NDUFA9: variants seen among roughly 807,000 people sequenced by gnomAD.
The protein encoded by NDUFA9 is NADH:ubiquinone oxidoreductase subunit A9, also known as NADH dehydrogenase [ubiquinone] 1 alpha subcomplex subunit 9, mitochondrial.
A neutral mutation model predicts 45.9 loss-of-function variants in NDUFA9; 23 were observed. That is an observed-to-expected ratio of 0.50 (90% CI 0.36 to 0.71). The LOEUF (loss-of-function observed/expected upper bound fraction) is 0.71, where lower values mean the gene tolerates loss of function less well. Among genes scored for constraint, NDUFA9 ranks in the 30% least tolerant of loss-of-function variants. The pLI is 0.00. For synonymous variants in NDUFA9, 176 were observed against 170.5 expected (o/e 1.03, Z -0.25); for missense variants, 466 against 488.2 (o/e 0.95, Z 0.43).
chr12:4,654,658 G>A (rs796262880), intron 2 of NDUFA9, among the ~76,000 whole-genome samples, 167 bp from the exon 3 acceptor site: 3 of 152,148 alleles, frequency 2.0e-5, no homozygotes, highest in African/African-American at 7.2e-5. Context: ...TAGGAATAAG[G>A]GACTCTGAAA....
intron 8 of NDUFA9, among the ~76,000 whole-genome samples, chr12:4,680,641 T>G (rs923472498): frequency 6.6e-6 from 1 of 152,222 alleles, no homozygotes; most frequent in African/African-American, 2.4e-5. Context: ...TGGCGTAGCA[T>G]GTATTATATG....
intron 5 of NDUFA9, among the ~76,000 whole-genome samples, chr12:4,659,768 G>A (rs559033962): frequency 4.0e-4 from 61 of 152,236 alleles, no homozygotes; most frequent in African/African-American, 1.3e-3. Context: ...GTGTCTGGCC[G>A]TGCGCTTAAC....
intron 8 of NDUFA9, among the ~76,000 whole-genome samples, chr12:4,675,569 A>T (rs200001899): frequency 6.6e-6 from 1 of 152,250 alleles, no homozygotes; most frequent in Non-Finnish European, 1.5e-5. Flanking sequence ...GAAGAAATGG[A>T]TAGGTTCCTG....
intron 7 of NDUFA9, 105 bp from the exon 8 acceptor site, chr12:4,669,636 C>G: frequency 1.4e-6 from 1 of 700,664 alleles, no homozygotes. Flanking sequence ...TTTCTCCTTC[C>G]TTCCTTCCTT....
At chr12:4,659,871 C>T (rs1945813928) in intron 5 of NDUFA9, among the ~76,000 whole-genome samples, 1 of 152,208 alleles carries the variant, frequency 6.6e-6, no homozygotes, top group African/African-American at 2.4e-5. Context: ...TGACTCACCA[C>T]ATTAGTTTAC....
intron 5 of NDUFA9, among the ~76,000 whole-genome samples, chr12:4,660,199 C>T (rs1945815838): frequency 6.6e-6 from 1 of 152,162 alleles, no homozygotes; most frequent in African/African-American, 2.4e-5. Flanking sequence ...ACATTAAAAC[C>T]ACTGAGGGAG....
chr12:4,687,242 T>G lies in NDUFA9; in HGVS notation c.*134T>G. 1 of 778,610 alleles carries G rather than the reference T, an allele frequency of 1.3e-6. No individual in the cohort carries two copies. The highest frequency in any genetic ancestry group is 1.9e-6 in the Non-Finnish European group (1 of 520,190). 48.2% of individuals were successfully genotyped at this position (778,610 alleles called of 1,614,324 possible). A position where few individuals can be genotyped will look rare whatever the true frequency, so the allele number is the denominator to read the frequency against. ...AAACATTTCAGGTTGAATTCTGCAG[T>G]ATTTTCTTCCTTGATTTACAAAATG... On this transcript the variant is annotated 3_prime_UTR_variant, in exon 11 of 11. Transcript: ENST00000266544.
Position 4,654,301 on chromosome 12 carries a change from T to G in NDUFA9, c.59T>G (p.Ile20Ser). Residue 20 changes from isoleucine (I) to serine (S), a missense_variant, in exon 2 of 11, where the codon ATT becomes AGT. Ile to Ser is a moderately radical substitution (Grantham distance 142). Coordinates refer to ENST00000266544, the MANE Select transcript of NDUFA9 (RefSeq NM_005002.5). ...VRVLSMSRSA[I>S]TAIATSVCHG... ...TGGGGTTTTGTTTAAGGTTCTGCCA[T>G]TACTGCAATAGCCACATCTGTGTGT... 2 of 1,613,272 alleles carry G rather than the reference T, an allele frequency of 1.2e-6. No individual in the cohort carries two copies. Among genetic ancestry groups the G allele is most frequent in the South Asian group, 2.2e-5 (2 of 91,008 alleles).
chr12:4,669,824 G>A lies in NDUFA9; in HGVS notation c.800+7G>A, dbSNP rs372997363. 4.4e-6 allele frequency: 7 copies of A among 1,599,720 alleles called. No homozygotes were observed. Among genetic ancestry groups the A allele is most frequent in the Non-Finnish European group, 6.0e-6 (7 of 1,167,130 alleles). On this transcript the variant is annotated splice_region_variant and intron_variant, in intron 8 of 10. Transcript: ENST00000266544. Reference sequence around the variant, plus strand: ...AATCCTTTGCTTTCGTTGGGTAAGTGCTTAGAGTTTGAATTTTAAATTGTG... The same window carrying A: ...AATCCTTTGCTTTCGTTGGGTAAGTACTTAGAGTTTGAATTTTAAATTGTG...
chr12:4,676,928 G>A, intron 8 of NDUFA9, among the ~76,000 whole-genome samples: 1 of 152,170 alleles, frequency 6.6e-6, no homozygotes, highest in Non-Finnish European at 1.5e-5. Context: ...AACCAAAACA[G>A]CACGGTACTG....
chr12:4,649,580 T>C (rs1397377463), intron 1 of NDUFA9, among the ~76,000 whole-genome samples: 1 of 152,210 alleles, frequency 6.6e-6, no homozygotes, highest in Non-Finnish European at 1.5e-5. Flanking sequence ...TATGACCTTG[T>C]GCAAACCCTT....
chr12:4,685,804 A>G (rs1565573438), intron 10 of NDUFA9, among the ~76,000 whole-genome samples: 1 of 152,176 alleles, frequency 6.6e-6, no homozygotes, highest in Non-Finnish European at 1.5e-5. Flanking sequence ...CCTTGCTGCC[A>G]CATCCAATGG....
At chr12:4,673,232 C>T (rs1945898499) in intron 8 of NDUFA9, among the ~76,000 whole-genome samples, 2 of 152,128 alleles carry the variant, frequency 1.3e-5, no homozygotes, top group African/African-American at 4.8e-5. Flanking sequence ...CTTCAAAGAC[C>T]AAAGGTAGAT....
intron 8 of NDUFA9, among the ~76,000 whole-genome samples, chr12:4,680,571 T>A (rs1945946243): frequency 6.6e-6 from 1 of 152,208 alleles, no homozygotes; most frequent in Non-Finnish European, 1.5e-5. Flanking sequence ...ACCTATTATG[T>A]AGAGTTAGTT....
At chr12:4,655,076 A>C in intron 3 of NDUFA9, 154 bp downstream of exon 3, 1 of 599,560 alleles carries the variant, frequency 1.7e-6, no homozygotes, top group Non-Finnish European at 2.8e-6. Flanking sequence ...AGGTTCCGGC[A>C]TCTCCTTTGT....
intron 8 of NDUFA9, among the ~76,000 whole-genome samples, chr12:4,670,669 C>T (rs1191672730): frequency 1.3e-5 from 2 of 152,102 alleles, no homozygotes; most frequent in South Asian, 4.1e-4. Flanking sequence ...TAATTTTTTT[C>T]AGTGTGAAAG....
chr12:4,680,833 C>T (rs1945947915), intron 8 of NDUFA9, among the ~76,000 whole-genome samples: 2 of 152,058 alleles, frequency 1.3e-5, no homozygotes, highest in East Asian at 3.9e-4. Context: ...ATGAAGCATG[C>T]AAATGAATTA....
chr12:4,673,667 A>G (rs1945901623), intron 8 of NDUFA9, among the ~76,000 whole-genome samples: 1 of 152,214 alleles, frequency 6.6e-6, no homozygotes, highest in Non-Finnish European at 1.5e-5. Context: ...TCCAAGAAAT[A>G]TGGGCCTGTG....
chr12:4,665,551 A>T, intron 6 of NDUFA9, among the ~76,000 whole-genome samples: 1 of 152,192 alleles, frequency 6.6e-6, no homozygotes. Context: ...CCATGGATGT[A>T]CGAAATATCC....
Sources: allele counts gnomAD v4.1 joint callset (sites outside exome capture counted in the v4.1 genomes callset), GRCh38; gene constraint gnomAD v4.1.1; transcripts MANE v1.5; gene names NCBI Gene and HGNC (gene_info 2026-07-23, HGNC 2026-07-21).